Variants in ATP6V1C1 observed in about 807,000 individuals in gnomAD.
The protein encoded by ATP6V1C1 is ATPase H+ transporting V1 subunit C1.
ATP6V1C1 carries 45 observed loss-of-function variants against 53.9 expected under a neutral mutation model. That is an observed-to-expected ratio of 0.83 (90% CI 0.66 to 1.07). ATP6V1C1 has a LOEUF of 1.07. ATP6V1C1 is among the 50% of genes least tolerant of loss of function. The pLI, the probability that ATP6V1C1 is intolerant of heterozygous loss-of-function variation, is 0.00. For synonymous variants in ATP6V1C1, 153 were observed against 155.2 expected, an observed-to-expected ratio of 0.99 and a Z score of 0.11; for missense variants, 315 against 440.3, an observed-to-expected ratio of 0.72 and a Z score of 2.55.
chr8:103,035,021 G>A (rs1228685955), intron 1 of ATP6V1C1, among the ~76,000 whole-genome samples: 2 of 152,214 alleles, frequency 1.3e-5, no homozygotes, highest in Non-Finnish European at 2.9e-5. Context: ...TAAGTAGCTT[G>A]TCTTTCCTGT....
chr8:103,035,033 A>G (rs368923546), intron 1 of ATP6V1C1, among the ~76,000 whole-genome samples: 4 of 152,212 alleles, frequency 2.6e-5, no homozygotes, highest in Non-Finnish European at 5.9e-5. Context: ...CTTTCCTGTT[A>G]GGCTCTTTAC....
intron 6 of ATP6V1C1, 56 bp from the exon 7 acceptor site, chr8:103,053,823 TCTTTA>T (rs1388772370): frequency 1.6e-6 from 2 of 1,224,982 alleles, no homozygotes; most frequent in East Asian, 4.7e-5. Flanking sequence ...GCCTGCTGTT[TCTTTA>T]CTTGTGTTAC....
intron 1 of ATP6V1C1, among the ~76,000 whole-genome samples, chr8:103,028,799 G>A (rs1263060021): frequency 2.0e-5 from 3 of 152,184 alleles, no homozygotes; most frequent in African/African-American, 7.2e-5. Flanking sequence ...ATGATTCCCA[G>A]TGAGGTAAAA....
At chr8:103,062,167 T>C (rs13282905) in intron 8 of ATP6V1C1, among the ~76,000 whole-genome samples, 1 of 126,070 alleles carries the variant, frequency 7.9e-6, no homozygotes, top group East Asian at 2.2e-4. Flanking sequence ...CAGGGTTTTT[T>C]TTTTTTTTTT....
chr8:103,056,374 G>A (rs534445340), intron 8 of ATP6V1C1, among the ~76,000 whole-genome samples: 15 of 151,816 alleles, frequency 9.9e-5, no homozygotes, highest in Non-Finnish European at 1.8e-4. Flanking sequence ...ATCTCCAGAT[G>A]TTCACCATCA....
intron 1 of ATP6V1C1, among the ~76,000 whole-genome samples, chr8:103,023,943 T>G (rs1214938284): frequency 6.6e-6 from 1 of 152,206 alleles, no homozygotes; most frequent in Non-Finnish European, 1.5e-5. Context: ...TCAGCACTTT[T>G]GATGAACTTT....
chr8:103,031,267 T>A (rs1816792133), intron 1 of ATP6V1C1, among the ~76,000 whole-genome samples: 1 of 152,130 alleles, frequency 6.6e-6, no homozygotes, highest in Non-Finnish European at 1.5e-5. Flanking sequence ...AAAGAAAAGG[T>A]CAGCAAACTA....
chr8:103,051,314 T>C (rs930994627), intron 5 of ATP6V1C1, among the ~76,000 whole-genome samples, 170 bp downstream of exon 5: 4 of 152,204 alleles, frequency 2.6e-5, no homozygotes, highest in South Asian at 2.1e-4. Flanking sequence ...TATAACACTT[T>C]AATGTGTAGA....
At chr8:103,068,126 C>T (rs186856393) in intron 12 of ATP6V1C1, among the ~76,000 whole-genome samples, 57 of 152,240 alleles carry the variant, frequency 3.7e-4, no homozygotes, top group Admixed American at 2.7e-3. Flanking sequence ...ACTATAGGCA[C>T]GCAGTACCAC....
rs201691017 is a variant in ATP6V1C1 at position 103,066,434 on chromosome 8, C to T, written c.1040C>T (p.Ala347Val). The change falls in exon 12 of 13, where the codon GCA (alanine) becomes GTA (valine). Residue 347 changes from alanine (A) to valine (V), a missense_variant. By Grantham distance (64) the Ala-to-Val change is moderately conservative (BLOSUM62 0). Transcript: ENST00000518738. ...TATAAACATCTAGACAGCAGTGCAG[C>T]AGCTATTATTGATGTAAGTACTTAT... ...ELYKHLDSSAAAIIDAPMDIP... is the reference protein window; with the variant it reads ...ELYKHLDSSAVAIIDAPMDIP... The T allele has an allele frequency of 4.6e-5, 73 of 1,599,558 alleles. No individual in the cohort carries two copies. The highest frequency in any genetic ancestry group is 5.7e-5 in the Non-Finnish European group (67 of 1,176,030).
At chr8:103,027,984 C>T (rs192084442) in intron 1 of ATP6V1C1, among the ~76,000 whole-genome samples, 1 of 152,138 alleles carries the variant, frequency 6.6e-6, no homozygotes, top group Admixed American at 6.5e-5. Context: ...AACTTAAGTA[C>T]CCAAAATATT....
At chr8:103,040,429 T>G (rs1425895788) in intron 1 of ATP6V1C1, among the ~76,000 whole-genome samples, 2 of 149,544 alleles carry the variant, frequency 1.3e-5, no homozygotes, top group African/African-American at 4.9e-5. Context: ...AAAAAAAAAG[T>G]TTAAGATAAA....
At chr8:103,027,894 C>T (rs373964232) in intron 1 of ATP6V1C1, among the ~76,000 whole-genome samples, 1 of 152,176 alleles carries the variant, frequency 6.6e-6, no homozygotes, top group East Asian at 1.9e-4. Context: ...CCACCCTCTC[C>T]CACCCCCAAT....
intron 1 of ATP6V1C1, among the ~76,000 whole-genome samples, chr8:103,038,051 A>T (rs879121871): frequency 6.6e-6 from 1 of 152,190 alleles, no homozygotes; most frequent in Non-Finnish European, 1.5e-5. Flanking sequence ...GCTGCACAAC[A>T]AACTACCCCA....
intron 1 of ATP6V1C1, among the ~76,000 whole-genome samples, chr8:103,025,707 G>A (rs534848191): frequency 3.3e-4 from 50 of 152,324 alleles, no homozygotes; most frequent in Middle Eastern, 6.8e-3. Flanking sequence ...TCATTTGCAA[G>A]TGGGGGTGGT....
chr8:103,028,280 A>C (rs957668334), intron 1 of ATP6V1C1, among the ~76,000 whole-genome samples: 5 of 152,182 alleles, frequency 3.3e-5, no homozygotes, highest in African/African-American at 1.2e-4. Context: ...TGAGGTCAAG[A>C]TGGATAAAGA....
intron 1 of ATP6V1C1, among the ~76,000 whole-genome samples, chr8:103,025,040 T>C (rs528167105): frequency 6.6e-6 from 1 of 151,864 alleles, no homozygotes; most frequent in Non-Finnish European, 1.5e-5. Flanking sequence ...ATCTAAAATG[T>C]GGGGTGTGTG....
chr8:103,051,937 T>C (rs17200336), intron 5 of ATP6V1C1, among the ~76,000 whole-genome samples: 40,507 of 152,006 alleles, frequency 0.27, 6,136 homozygotes, highest in Admixed American at 0.39. Flanking sequence ...GTGTGCTGTA[T>C]AGTTAAATGT....
intron 12 of ATP6V1C1, among the ~76,000 whole-genome samples, chr8:103,068,174 T>TA (rs1321055652): frequency 6.6e-6 from 1 of 152,196 alleles, no homozygotes; most frequent in Non-Finnish European, 1.5e-5. Flanking sequence ...TTTGTAGCGA[T>TA]AGAGTCTCAC....
Sources: allele counts gnomAD v4.1 joint callset (sites outside exome capture counted in the v4.1 genomes callset), GRCh38; gene constraint gnomAD v4.1.1; transcripts MANE v1.5; gene names NCBI Gene and HGNC (gene_info 2026-07-23, HGNC 2026-07-21).